GTF3C2: variants seen among roughly 807,000 people sequenced by gnomAD.
GTF3C2 encodes the protein general transcription factor 3C polypeptide 2.
GTF3C2 carries 17 observed loss-of-function variants against 117.4 expected under a neutral mutation model. The ratio of observed to expected loss-of-function variants is 0.14; its 90% CI spans 0.10 to 0.22. The LOEUF is 0.22. Among genes scored for constraint, GTF3C2 ranks in the 10% least tolerant of loss-of-function variants. GTF3C2 has a pLI of 1.00. For missense variants in GTF3C2, 888 were observed against 1,143.6 expected (o/e 0.78, Z 3.22); for synonymous variants, 437 against 427.0 (o/e 1.02, Z -0.29).
chr2:27,333,720 T>C, exon 12 of GTF3C2: 1 of 1,610,168 alleles, frequency 6.2e-7, no homozygotes, highest in Non-Finnish European at 8.5e-7. Context: ...GCTAAGGCAC[T>C]GACCACACTC....
intron 1 of GTF3C2, among the ~76,000 whole-genome samples, chr2:27,355,660 G>A (rs1681344458): frequency 6.6e-6 from 1 of 152,142 alleles, no homozygotes; most frequent in African/African-American, 2.4e-5. Context: ...CAATCTGTCT[G>A]GTTCCCATGC....
At chr2:27,351,675 G>A (rs376691286) in intron 1 of GTF3C2, among the ~76,000 whole-genome samples, 2 of 152,056 alleles carry the variant, frequency 1.3e-5, no homozygotes, top group East Asian at 3.9e-4. Flanking sequence ...AGTTCTCCAG[G>A]AGCATATTTG....
At chr2:27,342,157 G>C (rs1680760402) in exon 4 of GTF3C2, 1 of 1,614,096 alleles carries the variant, frequency 6.2e-7, no homozygotes. Flanking sequence ...CTCACCTTGG[G>C]GCCCTCAGGA....
chr2:27,326,909 A>G lies in GTF3C2; in HGVS notation c.2518-16T>C. 6.5e-6 allele frequency: 10 copies of G among 1,546,782 alleles called. No individual in the cohort carries two copies. Among genetic ancestry groups the G allele is most frequent in the Non-Finnish European group, 8.9e-6 (10 of 1,119,354 alleles). On this transcript the variant is annotated splice_polypyrimidine_tract_variant and intron_variant, in intron 18 of 18. Coordinates refer to ENST00000264720, the Ensembl canonical transcript of GTF3C2. Reference sequence around the variant, plus strand: ...TGAAACGTACCTGTGAAGAGAACAGAAAACAAGAGAGAGATGCTCATGGGT... The same window carrying G: ...TGAAACGTACCTGTGAAGAGAACAGGAAACAAGAGAGAGATGCTCATGGGT...
At chr2:27,343,115 GCTTTGAGAC>G in exon 3 of GTF3C2, 1 of 1,594,042 alleles carries the variant, frequency 6.3e-7, no homozygotes, top group East Asian at 2.2e-5. Context: ...GAGGCCCTAG[GCTTTGAGAC>G]CTTTGACATC....
Position 27,342,244 on chromosome 2 carries a change from G to A in GTF3C2, c.570-11C>T, listed in dbSNP as rs114358508. 1,301 of 1,599,142 alleles carry A rather than the reference G, an allele frequency of 8.1e-4. 7 individuals are homozygous for A. In the African/African-American group the frequency reaches 0.014, roughly 18 times the overall value. On this transcript the variant is annotated splice_polypyrimidine_tract_variant and intron_variant, in intron 3 of 18. Transcript: ENST00000264720. ...AGATACAGAAGTGCCCTGTGGGAACGGACAGAGTCAGAGCCATTCTCACAT... is the reference window on the plus strand; with the variant it reads ...AGATACAGAAGTGCCCTGTGGGAACAGACAGAGTCAGAGCCATTCTCACAT...
Position 27,329,108 on chromosome 2 carries a change from C to T in GTF3C2, c.2039+13G>A. On this transcript the variant is annotated intron_variant, in intron 14 of 18. Transcript: ENST00000264720. This position sits in a 1 kb window ranked among gnomAD's most constrained non-coding sequence, Gnocchi z 4.5. ...GGCCTGTCCCTAGAGGTCCTATCTC[C>T]ATCTTGCCGTACGAGGCATAGCAGT... The T allele has an allele frequency of 6.2e-7, 1 of 1,613,684 alleles. No homozygotes were observed. The highest frequency in any genetic ancestry group is 8.5e-7 in the Non-Finnish European group (1 of 1,179,638).
chr2:27,349,610 G>A (rs1338248458), intron 1 of GTF3C2, among the ~76,000 whole-genome samples: 2 of 151,776 alleles, frequency 1.3e-5, no homozygotes, highest in Non-Finnish European at 2.9e-5. Context: ...TCGAATTTAG[G>A]GGGAAAACAT....
At chr2:27,338,611 G>C (rs1049131067) in intron 4 of GTF3C2, among the ~76,000 whole-genome samples, 2 of 152,068 alleles carry the variant, frequency 1.3e-5, no homozygotes, top group Admixed American at 6.6e-5. Flanking sequence ...GCTCACTGCA[G>C]CCCCAGCTTC....
rs760078139 is a variant in GTF3C2 at position 27,329,428 on chromosome 2, G to A, written c.1828C>T (p.Leu610=). The change falls in exon 13 of 19, where the codon CTA becomes TTA. Residue 610 remains leucine, a synonymous_variant. Coordinates refer to ENST00000264720, the Ensembl canonical transcript of GTF3C2. This position sits in a 1 kb window ranked among gnomAD's most constrained non-coding sequence, Gnocchi z 4.5. ...GTACGCACAGCCTGGTCATGGGCTA[G>A]GAAACACTGGAAGGGGTAGAGCTTT... 1.2e-6 allele frequency: 2 copies of A among 1,614,032 alleles called. No individual in the cohort carries two copies. The highest frequency in any genetic ancestry group is 1.7e-6 in the Non-Finnish European group (2 of 1,180,010).
At chr2:27,328,783 A>G in intron 15 of GTF3C2, 61 bp downstream of exon 15, 1 of 1,230,806 alleles carries the variant, frequency 8.1e-7, no homozygotes, top group Non-Finnish European at 1.2e-6. Context: ...CTGACTACTA[A>G]TAGTGCATAA....
chr2:27,349,498 A>C (rs895116319), intron 1 of GTF3C2, among the ~76,000 whole-genome samples: 8 of 152,140 alleles, frequency 5.3e-5, no homozygotes, highest in Non-Finnish European at 1.2e-4. Flanking sequence ...GAGATGCCTA[A>C]AACAAAATAA....
At chr2:27,326,519 A>G in exon 19 of GTF3C2, 4 of 626,758 alleles carry the variant, frequency 6.4e-6, no homozygotes, top group Admixed American at 2.9e-5. Context: ...AAGTCTGTAG[A>G]AAGAGTGGGA....
At chr2:27,336,765 T>C (rs577565028) in intron 7 of GTF3C2, 66 of 257,998 alleles carry the variant, frequency 2.6e-4, no homozygotes, top group African/African-American at 1.4e-3. Context: ...TATGCCACCA[T>C]ACCCCACTAA....
At chr2:27,353,969 T>G (rs1458902866) in intron 1 of GTF3C2, among the ~76,000 whole-genome samples, 2 of 150,462 alleles carry the variant, frequency 1.3e-5, no homozygotes, top group African/African-American at 4.9e-5. Flanking sequence ...AGTGATCCTC[T>G]AGCTTCAACT....
chr2:27,337,262 G>C (rs763591379), exon 7 of GTF3C2: 2 of 1,605,780 alleles, frequency 1.2e-6, no homozygotes, highest in South Asian at 2.2e-5. Flanking sequence ...TCGGTAGAGG[G>C]TGCCATCTTC....
At chr2:27,326,492 G>A in exon 19 of GTF3C2, 1 of 610,044 alleles carries the variant, frequency 1.6e-6, no homozygotes, top group Non-Finnish European at 3.0e-6. Flanking sequence ...CCTGCCCGCA[G>A]GGGGCTGTGA....
chr2:27,334,439 A>G (rs901335092), intron 10 of GTF3C2, among the ~76,000 whole-genome samples: 2 of 151,852 alleles, frequency 1.3e-5, no homozygotes, highest in Admixed American at 6.6e-5. Flanking sequence ...CTCATCCTCT[A>G]GCACCTTTTC....
chr2:27,328,973 A>C, intron 14 of GTF3C2, 42 bp from the exon 15 acceptor site: 1 of 1,495,808 alleles, frequency 6.7e-7, no homozygotes, highest in Non-Finnish European at 9.3e-7. Context: ...TTTTCTTTAG[A>C]TTCATTTCTT....
Sources: gnomAD v4.1 joint callset for allele counts (sites outside exome capture counted in the v4.1 genomes callset) on GRCh38, gnomAD v4.1.1 for gene constraint, Gnocchi (gnomAD v3.1) non-coding constraint, MANE v1.5 for transcripts, NCBI Gene and HGNC (gene_info 2026-07-23, HGNC 2026-07-21) for gene names.